The following C12orf42 variants were observed in gnomAD, a reference collection of about 807,000 sequenced individuals.
C12orf42 encodes the protein uncharacterized protein C12orf42.
Under a neutral mutation model 21.6 loss-of-function variants are expected in C12orf42, and 25 were observed. The observed-to-expected ratio is 1.16, with a 90% CI of 0.84 to 1.62. The LOEUF is 1.62. C12orf42 is among the 40% of genes most tolerant of loss of function. The probability of loss-of-function intolerance (pLI) is 0.00; values close to 1 mark genes in which losing one functional copy is unlikely to be tolerated. For missense variants in C12orf42, 483 were observed against 459.3 expected (o/e 1.05, Z -0.47); for synonymous variants, 174 against 175.0 (o/e 0.99, Z 0.05).
intron 4 of C12orf42, among the ~76,000 whole-genome samples, chr12:103,322,099 GCA>G (rs1224181430): frequency 2.5e-5 from 3 of 117,746 alleles, no homozygotes; most frequent in South Asian, 2.9e-4. Flanking sequence ...TCTCAGATGT[GCA>G]CGCGCGTGCG....
At chr12:103,516,182 T>A in the C12orf42 span, among the ~76,000 whole-genome samples, 2 of 152,246 alleles carry the variant, frequency 1.3e-5, no homozygotes, top group Non-Finnish European at 2.9e-5. Flanking sequence ...AATCAGCCTG[T>A]GGCTAGCCAA....
chr12:103,341,060 C>T (rs1176249409), intron 4 of C12orf42, among the ~76,000 whole-genome samples: 2 of 137,440 alleles, frequency 1.5e-5, no homozygotes, highest in Non-Finnish European at 3.0e-5. Flanking sequence ...TTGCAGTGAG[C>T]CAAGATCACA....
the C12orf42 span, among the ~76,000 whole-genome samples, chr12:103,150,993 G>T: frequency 1.3e-5 from 2 of 152,096 alleles, no homozygotes; most frequent in South Asian, 2.1e-4. Context: ...AGGCTGGAGT[G>T]CTTGGCTCAC....
chr12:103,345,137 A>G (rs1490195051), intron 4 of C12orf42, among the ~76,000 whole-genome samples: 1 of 152,104 alleles, frequency 6.6e-6, no homozygotes, highest in African/African-American at 2.4e-5. Flanking sequence ...TATTAATTAT[A>G]CCCCTCATAA....
At chr12:103,094,443 A>C in the C12orf42 span, among the ~76,000 whole-genome samples, 1 of 152,148 alleles carries the variant, frequency 6.6e-6, no homozygotes, top group East Asian at 1.9e-4. Flanking sequence ...CTATTATCTC[A>C]ACAGGATTCA....
the C12orf42 span, among the ~76,000 whole-genome samples, chr12:103,538,142 C>A: frequency 1.3e-5 from 2 of 151,960 alleles, no homozygotes; most frequent in Non-Finnish European, 2.9e-5. Flanking sequence ...GGGACAGAAG[C>A]CAGATGAAAA....
chr12:103,220,485 A>T, the C12orf42 span, among the ~76,000 whole-genome samples: 2 of 152,184 alleles, frequency 1.3e-5, no homozygotes, highest in African/African-American at 4.8e-5. Flanking sequence ...TCATTTGTAG[A>T]CATGTCAGAT....
chr12:103,445,981 A>G (rs566225930), intron 2 of C12orf42, among the ~76,000 whole-genome samples: 3 of 152,126 alleles, frequency 2.0e-5, no homozygotes, highest in Non-Finnish European at 4.4e-5. Context: ...CCATTTACAG[A>G]TAAGTCCATA....
At chr12:103,050,606 A>G in the C12orf42 span, among the ~76,000 whole-genome samples, 1 of 152,058 alleles carries the variant, frequency 6.6e-6, no homozygotes, top group Admixed American at 6.6e-5. Context: ...CAGCAGAGTC[A>G]CCTAATGTCA....
chr12:103,193,619 C>T, the C12orf42 span, among the ~76,000 whole-genome samples: 526 of 152,046 alleles, frequency 3.5e-3, 1 homozygote, highest in African/African-American at 0.012. Context: ...TTCCTAGAAA[C>T]GTACAATCTA....
the C12orf42 span, among the ~76,000 whole-genome samples, chr12:103,088,718 A>G: frequency 1.3e-5 from 2 of 152,318 alleles, no homozygotes; most frequent in Admixed American, 6.5e-5. Flanking sequence ...TGTAGCTTCC[A>G]TTACTTAAGT....
intron 5 of C12orf42, chr12:103,273,824 T>C (rs7313853): frequency 0.048 from 21,856 of 456,228 alleles, 2,381 homozygotes; most frequent in African/African-American, 0.3. Flanking sequence ...TCAGCGTTAA[T>C]ATGTGAGCAG....
chr12:103,166,471 A>G, the C12orf42 span, among the ~76,000 whole-genome samples: 2 of 152,222 alleles, frequency 1.3e-5, no homozygotes, highest in African/African-American at 4.8e-5. Flanking sequence ...TGATGTAGGT[A>G]TTGTTATTCT....
At chr12:103,145,954 T>TAG in the C12orf42 span, among the ~76,000 whole-genome samples, 7,061 of 150,960 alleles carry the variant, frequency 0.047, 164 homozygotes, top group African/African-American at 0.065. Flanking sequence ...CATATATATA[T>TAG]AGAGAGAGAG....
the C12orf42 span, among the ~76,000 whole-genome samples, chr12:103,059,417 A>G: frequency 6.6e-6 from 1 of 152,174 alleles, no homozygotes; most frequent in South Asian, 2.1e-4. Flanking sequence ...AGCTGGTACC[A>G]TTCCTTCTGA....
intron 4 of C12orf42, among the ~76,000 whole-genome samples, chr12:103,347,613 C>G (rs1485032383): frequency 2.6e-5 from 4 of 152,112 alleles, no homozygotes; most frequent in African/African-American, 9.7e-5. Flanking sequence ...ATCTACCAGC[C>G]ATCATTCCCA....
At chr12:103,420,966 C>T (rs1227937354) in intron 2 of C12orf42, among the ~76,000 whole-genome samples, 1 of 152,166 alleles carries the variant, frequency 6.6e-6, no homozygotes, top group Non-Finnish European at 1.5e-5. Context: ...GACAGTGAAC[C>T]TATTCTTACA....
At chr12:103,272,765 G>A (rs1004245254) in intron 5 of C12orf42, among the ~76,000 whole-genome samples, 1 of 152,142 alleles carries the variant, frequency 6.6e-6, no homozygotes, top group Non-Finnish European at 1.5e-5. Context: ...CAAACACACA[G>A]GAGAAAACTG....
chr12:103,381,167 C>T (rs1233537615), intron 3 of C12orf42, among the ~76,000 whole-genome samples: 2 of 152,230 alleles, frequency 1.3e-5, no homozygotes, highest in African/African-American at 4.8e-5. Flanking sequence ...GCACTAACAA[C>T]TCCCCAACAT....
Sources: allele counts gnomAD v4.1 joint callset (sites outside exome capture counted in the v4.1 genomes callset), GRCh38; gene constraint gnomAD v4.1.1; transcripts MANE v1.5; gene names NCBI Gene and HGNC (gene_info 2026-07-23, HGNC 2026-07-21).